LRRC7: variants seen among roughly 807,000 people sequenced by gnomAD.
LRRC7 encodes leucine rich repeat containing 7.
Under a neutral mutation model 175.7 loss-of-function variants are expected in LRRC7, and 23 were observed. The observed-to-expected ratio is 0.13, with a 90% CI of 0.09 to 0.19. The LOEUF (loss-of-function observed/expected upper bound fraction) is 0.19, where lower values mean the gene tolerates loss of function less well. Ranked by LOEUF, LRRC7 falls within the 10% of genes least tolerant of loss-of-function variation. LRRC7 has a pLI of 1.00. For synonymous variants in LRRC7, 685 were observed against 680.9 expected (o/e 1.01, Z -0.09); for missense variants, 1,354 against 1,904.7 (o/e 0.71, Z 5.38).
At position 70,129,869 on chromosome 1, in the gene LRRC7, T is replaced by G. The variant is rs1666598051; in HGVS notation, c.*7982T>G. ...AAATTGTTTTCTTTTCTTCACCCTATGCATACTCAGTGTTTTAGACACATA... is the reference window on the plus strand; with the variant it reads ...AAATTGTTTTCTTTTCTTCACCCTAGGCATACTCAGTGTTTTAGACACATA... On this transcript the variant is annotated 3_prime_UTR_variant, in exon 27 of 27. Coordinates refer to ENST00000651989, the MANE Select transcript of LRRC7 (RefSeq NM_001370785.2). Among the ~76,000 whole-genome samples the G allele has an allele frequency of 6.6e-6, 1 of 152,246 alleles. No individual in the cohort carries two copies. The highest frequency in any genetic ancestry group is 1.5e-5 in the Non-Finnish European group (1 of 68,038).
chr1:70,023,701 T>C (rs1254808292), intron 17 of LRRC7, among the ~76,000 whole-genome samples: 1 of 152,068 alleles, frequency 6.6e-6, no homozygotes, highest in South Asian at 2.1e-4. Flanking sequence ...ATGACACTAT[T>C]GATACATTCT....
chr1:69,789,385 T>C (rs1297896649), intron 3 of LRRC7, among the ~76,000 whole-genome samples: 1 of 152,078 alleles, frequency 6.6e-6, no homozygotes, highest in Admixed American at 6.5e-5. Context: ...CCACTAACAG[T>C]TTTACTCTAA....
chr1:69,781,847 G>A (rs185575966), intron 3 of LRRC7, among the ~76,000 whole-genome samples: 51 of 95,766 alleles, frequency 5.3e-4, no homozygotes, highest in African/African-American at 1.7e-3. Flanking sequence ...GGAAGGAAGG[G>A]AGAGAAAGAA....
At chr1:69,891,196 A>G (rs2101643604) in intron 7 of LRRC7, among the ~76,000 whole-genome samples, 1 of 152,282 alleles carries the variant, frequency 6.6e-6, no homozygotes, top group East Asian at 1.9e-4. Flanking sequence ...CTAGCTTTTG[A>G]TTTAAAGTGG....
intron 2 of LRRC7, among the ~76,000 whole-genome samples, chr1:69,729,464 G>T (rs569423271): frequency 6.6e-6 from 1 of 152,304 alleles, no homozygotes; most frequent in South Asian, 2.1e-4. Context: ...CCAAATGGGA[G>T]AAGTTGGCCA....
rs116555083 is a variant in LRRC7 at position 70,080,321 on chromosome 1, A to T, written c.4452+4023A>T. ...CCATGTGGAAATGAACATATATAAT[A>T]AGTGCCAAAACTGACGACATTGAAT... On this transcript the variant is annotated intron_variant, in intron 24 of 26. Coordinates refer to ENST00000651989, the MANE Select transcript of LRRC7 (RefSeq NM_001370785.2). 8.5e-3 allele frequency among the ~76,000 whole-genome samples: 1,296 copies of T among 152,332 alleles called. 12 individuals are homozygous for T. The highest frequency in any genetic ancestry group is 0.029 in the African/African-American group (1,222 of 41,582).
chr1:69,982,797 A>G (rs938665327), intron 9 of LRRC7, among the ~76,000 whole-genome samples: 6 of 152,152 alleles, frequency 3.9e-5, no homozygotes, highest in East Asian at 1.9e-4. Context: ...CTGCTCACCT[A>G]TAGACCCCTC....
chr1:69,615,886 G>A (rs1160648124), intron 1 of LRRC7, among the ~76,000 whole-genome samples: 1 of 151,904 alleles, frequency 6.6e-6, no homozygotes, highest in Admixed American at 6.6e-5. Context: ...CCTTCCTATG[G>A]CTAAACCCCC....
intron 9 of LRRC7, among the ~76,000 whole-genome samples, chr1:69,982,471 C>T (rs184696530): frequency 6.6e-6 from 1 of 152,306 alleles, no homozygotes; most frequent in African/African-American, 2.4e-5. Context: ...ATAATTAAAA[C>T]ATTTAATATC....
chr1:69,647,833 T>C (rs1162807801), intron 1 of LRRC7, among the ~76,000 whole-genome samples: 1 of 152,182 alleles, frequency 6.6e-6, no homozygotes, highest in Non-Finnish European at 1.5e-5. Flanking sequence ...TCAATTGATA[T>C]ATTATTTTAT....
intron 2 of LRRC7, among the ~76,000 whole-genome samples, chr1:69,703,597 A>C (rs1292046882): frequency 6.6e-6 from 1 of 152,026 alleles, no homozygotes; most frequent in Non-Finnish European, 1.5e-5. Context: ...TTACATATCT[A>C]TATATCTATT....
At chr1:69,671,811 A>G (rs1432511931) in intron 1 of LRRC7, among the ~76,000 whole-genome samples, 1 of 152,130 alleles carries the variant, frequency 6.6e-6, no homozygotes, top group Non-Finnish European at 1.5e-5. Context: ...GCGATGTGTC[A>G]TGCAACGGCT....
chr1:69,981,789 A>G (rs965963800), intron 9 of LRRC7, among the ~76,000 whole-genome samples: 11 of 152,326 alleles, frequency 7.2e-5, no homozygotes, highest in Middle Eastern at 3.4e-3. Context: ...TCTTCAATAT[A>G]TTTATTTATT....
intron 4 of LRRC7, among the ~76,000 whole-genome samples, chr1:69,809,054 A>T (rs1447037811): frequency 1.3e-5 from 2 of 152,198 alleles, no homozygotes; most frequent in East Asian, 3.8e-4. Context: ...GAAAGAGAGA[A>T]GAATCAAATA....
intron 10 of LRRC7, among the ~76,000 whole-genome samples, chr1:69,987,431 A>G (rs1173738102): frequency 6.6e-6 from 1 of 152,188 alleles, no homozygotes; most frequent in Admixed American, 6.5e-5. Context: ...GATGTGTTAT[A>G]TGTTCTGGAA....
At chr1:69,659,968 T>A (rs1035423145) in intron 1 of LRRC7, among the ~76,000 whole-genome samples, 3 of 151,534 alleles carry the variant, frequency 2.0e-5, no homozygotes, top group African/African-American at 7.3e-5. Context: ...AAATTCAAGT[T>A]ATCAGCAAAT....
chr1:69,775,920 G>C (rs1672757842), intron 3 of LRRC7, among the ~76,000 whole-genome samples: 4 of 152,132 alleles, frequency 2.6e-5, no homozygotes. Context: ...AAGAAGCAAA[G>C]GATATGAATA....
chr1:69,600,321 C>T lies in LRRC7; in HGVS notation c.2+31680C>T, dbSNP rs146917246. ...TGTCCCAGAGAATCATCCAGGATAT[C>T]CGGGATACCACATTGCCCTTAGTCA... On this transcript the variant is annotated intron_variant, in intron 1 of 26. Coordinates refer to ENST00000651989, the MANE Select transcript of LRRC7 (RefSeq NM_001370785.2). 1.4e-4 allele frequency among the ~76,000 whole-genome samples: 21 copies of T among 152,240 alleles called. No homozygotes were observed. In the East Asian group the frequency reaches 3.7e-3, roughly 27 times the overall value.
At chr1:69,807,858 G>T (rs1249530753) in intron 4 of LRRC7, among the ~76,000 whole-genome samples, 3 of 151,968 alleles carry the variant, frequency 2.0e-5, no homozygotes, top group Non-Finnish European at 4.4e-5. Context: ...TGCTAGGCTG[G>T]GGAAGTTCTC....
Sources: gnomAD v4.1 joint callset for allele counts (sites outside exome capture counted in the v4.1 genomes callset) on GRCh38, gnomAD v4.1.1 for gene constraint, MANE v1.5 for transcripts, NCBI Gene and HGNC (gene_info 2026-07-23, HGNC 2026-07-21) for gene names.